The following PIEZO2 variants were observed in gnomAD, a reference collection of about 807,000 sequenced individuals.
PIEZO2 encodes piezo type mechanosensitive ion channel component 2, also known as piezo-type mechanosensitive ion channel component 2.
A neutral mutation model predicts 337.3 loss-of-function variants in PIEZO2; 172 were observed. That is an observed-to-expected ratio of 0.51 (90% confidence interval 0.45 to 0.58). The LOEUF (loss-of-function observed/expected upper bound fraction) is 0.58, where lower values mean the gene tolerates loss of function less well. Ranked by LOEUF, PIEZO2 falls within the 20% of genes least tolerant of loss-of-function variation. The pLI is 0.00. For missense variants in PIEZO2, 3,028 were observed against 3,391.3 expected (o/e 0.89, Z 2.66); for synonymous variants, 1,251 against 1,228.5 (o/e 1.02, Z -0.38).
chr18:10,718,233 C>G lies in PIEZO2; in HGVS notation c.5056G>C (p.Asp1686His). The change falls in exon 37 of 56, where the codon GAT (aspartate) becomes CAT (histidine). Residue 1686 changes from aspartate (D) to histidine (H), a missense_variant. By Grantham distance (81) the Asp-to-His change is moderately conservative. Transcript: ENST00000674853. Reference sequence around the variant, plus strand: ...TCGGATTTCTTTTTGATTGGTTCATCCTCCCGGTCTTCCCATTCCACAGGA... The same window carrying G: ...TCGGATTTCTTTTTGATTGGTTCATGCTCCCGGTCTTCCCATTCCACAGGA... ...EGPVEWEDRE[D>H]EPIKKKSDGP... is the part of the protein sequence containing the mutation. 6.5e-7 allele frequency: 1 copy of G among 1,537,040 alleles called. No individual in the cohort carries two copies. Among genetic ancestry groups the G allele is most frequent in the Non-Finnish European group, 8.7e-7 (1 of 1,146,758 alleles).
chr18:10,678,342 T>C (rs764144691), intron 52 of PIEZO2, among the ~76,000 whole-genome samples: 8 of 152,212 alleles, frequency 5.3e-5, no homozygotes, highest in Non-Finnish European at 1.0e-4. Context: ...AAGTAAATTT[T>C]TGGTAATTTG....
At chr18:10,725,068 G>A in intron 36 of PIEZO2, 1 of 1,538,302 alleles carries the variant, frequency 6.5e-7, no homozygotes. Context: ...CGTGGACCGT[G>A]AGGGAGACAA....
intron 13 of PIEZO2, chr18:10,791,572 C>T: frequency 3.7e-6 from 1 of 272,706 alleles, no homozygotes. Flanking sequence ...AAGATGAACC[C>T]AACCTTTCTA....
chr18:11,061,862 C>T (rs2145899848), intron 2 of PIEZO2, among the ~76,000 whole-genome samples: 1 of 152,240 alleles, frequency 6.6e-6, no homozygotes, highest in East Asian at 1.9e-4. Context: ...CAATGCCATC[C>T]CCATCAAGCT....
intron 1 of PIEZO2, among the ~76,000 whole-genome samples, chr18:11,100,212 A>G (rs1208434479): frequency 1.3e-5 from 2 of 152,246 alleles, no homozygotes; most frequent in South Asian, 2.1e-4. Context: ...GTTTTCTACA[A>G]TGATTCAAAG....
At chr18:11,018,428 T>C (rs2036199168) in intron 2 of PIEZO2, among the ~76,000 whole-genome samples, 1 of 145,330 alleles carries the variant, frequency 6.9e-6, no homozygotes, top group East Asian at 2.0e-4. Context: ...TGTGTGTGTG[T>C]GTGTGTTGAA....
chr18:11,008,423 C>T (rs1265862972), intron 2 of PIEZO2, among the ~76,000 whole-genome samples: 1 of 152,190 alleles, frequency 6.6e-6, no homozygotes, highest in African/African-American at 2.4e-5. Flanking sequence ...CTAGTTAACC[C>T]TCAGGACGAC....
At chr18:10,843,076 T>C (rs1464212965) in intron 7 of PIEZO2, among the ~76,000 whole-genome samples, 1 of 152,220 alleles carries the variant, frequency 6.6e-6, no homozygotes, top group Non-Finnish European at 1.5e-5. Flanking sequence ...TGAGGCAATA[T>C]ATCTTGGTAT....
At chr18:10,866,329 A>G (rs2042004659) in intron 5 of PIEZO2, among the ~76,000 whole-genome samples, 1 of 148,898 alleles carries the variant, frequency 6.7e-6, no homozygotes. Flanking sequence ...TCTGTCACCC[A>G]GGATGGAGTG....
At chr18:10,780,484 G>A (rs1320200437) in intron 17 of PIEZO2, 118 bp from the exon 18 acceptor site, 5 of 655,684 alleles carry the variant, frequency 7.6e-6, no homozygotes, top group Non-Finnish European at 1.4e-5. Context: ...CTAGCATCAA[G>A]TGTAGCCACC....
chr18:10,841,368 A>C (rs2041188113), intron 7 of PIEZO2, among the ~76,000 whole-genome samples: 1 of 152,162 alleles, frequency 6.6e-6, no homozygotes, highest in African/African-American at 2.4e-5. Context: ...GGCAAGTTTC[A>C]TGAGCTGAAA....
chr18:10,972,063 T>C lies in PIEZO2; in HGVS notation c.286+7472A>G, dbSNP rs2034258706. 2.0e-5 allele frequency among the ~76,000 whole-genome samples: 3 copies of C among 150,442 alleles called. No individual in the cohort carries two copies. The Admixed American group carries it at 2.0e-4, about 10-fold the overall frequency. On this transcript the variant is annotated intron_variant, in intron 3 of 55. Transcript: ENST00000674853. ...ATCCCAGCACTTTGGGAGGCCGAGG[T>C]GGGTAGATCACTTGAGGTCAAGAGT...
intron 2 of PIEZO2, among the ~76,000 whole-genome samples, chr18:11,040,932 C>T (rs2037097518): frequency 6.6e-6 from 1 of 151,978 alleles, no homozygotes; most frequent in East Asian, 1.9e-4. Context: ...AGGAATGAGG[C>T]CAATTAAATG....
Position 10,707,886 on chromosome 18 carries a change from T to C in PIEZO2, c.5588+389A>G, listed in dbSNP as rs2035651363. On this transcript the variant is annotated intron_variant, in intron 40 of 55. Transcript: ENST00000674853. The surrounding 1 kb of genome is among the most constrained non-coding windows in gnomAD (Gnocchi z 4.2). ...CTACTGCATGCATCTTTTGATTACA[T>C]CAAGAGAAGAAGTTTTCTACCTTTG... Among the ~76,000 whole-genome samples, 1 of 152,208 alleles carries C rather than the reference T, an allele frequency of 6.6e-6. No homozygotes were observed. The highest frequency in any genetic ancestry group is 1.5e-5 in the Non-Finnish European group (1 of 68,040).
chr18:10,774,950 A>T (rs1273953101), intron 18 of PIEZO2, among the ~76,000 whole-genome samples: 1 of 152,224 alleles, frequency 6.6e-6, no homozygotes, highest in African/African-American at 2.4e-5. Flanking sequence ...TGATTAGATA[A>T]AATGCAGGTT....
At chr18:10,717,576 T>C (rs1003509294) in intron 37 of PIEZO2, among the ~76,000 whole-genome samples, 1 of 145,946 alleles carries the variant, frequency 6.9e-6, no homozygotes, top group African/African-American at 2.8e-5. Context: ...TCATTTCATT[T>C]GGAGGCTTTG....
chr18:11,080,661 C>T lies in PIEZO2; in HGVS notation c.65-14439G>A, dbSNP rs1340137104. Among the ~76,000 whole-genome samples, 2 of 152,116 alleles carry T rather than the reference C, an allele frequency of 1.3e-5. No homozygotes were observed. Among genetic ancestry groups the T allele is most frequent in the Non-Finnish European group, 2.9e-5 (2 of 68,012 alleles). ...GAGATCAAGACTATCCTGGCCAACA[C>T]GGTGAAACCCCGTCTCTACTAAAAA... On this transcript the variant is annotated intron_variant, in intron 1 of 55. Coordinates refer to ENST00000674853, the MANE Select transcript of PIEZO2 (RefSeq NM_001378183.1). The surrounding 1 kb of genome is among the most constrained non-coding windows in gnomAD (Gnocchi z 5.4).
In PIEZO2 at chr18:10,862,188, C is replaced by T. The variant is rs2041891971; in HGVS notation, c.493-4977G>A. On this transcript the variant is annotated intron_variant, in intron 5 of 55. Transcript: ENST00000674853. This position sits in a 1 kb window ranked among gnomAD's most constrained non-coding sequence, Gnocchi z 4.4. Reference sequence around the variant, plus strand: ...ATGTATCAAAATACCACATTATATACCCCATAAATATATATAATAGTTATT... The same window carrying T: ...ATGTATCAAAATACCACATTATATATCCCATAAATATATATAATAGTTATT... Among the ~76,000 whole-genome samples, 1 of 151,866 alleles carries T rather than the reference C, an allele frequency of 6.6e-6. No homozygotes were observed. The highest frequency in any genetic ancestry group is 2.1e-4 in the South Asian group (1 of 4,800).
intron 4 of PIEZO2, among the ~76,000 whole-genome samples, chr18:10,904,512 T>C (rs762232746): frequency 6.6e-6 from 1 of 152,216 alleles, no homozygotes; most frequent in Non-Finnish European, 1.5e-5. Flanking sequence ...AGTGGAACCC[T>C]GTGGGAGGAG....
Sources: allele counts gnomAD v4.1 joint callset (sites outside exome capture counted in the v4.1 genomes callset), GRCh38; gene constraint gnomAD v4.1.1; non-coding constraint Gnocchi (gnomAD v3.1); transcripts MANE v1.5; gene names NCBI Gene and HGNC (gene_info 2026-07-23, HGNC 2026-07-21).